BMPR1B: variants seen among roughly 807,000 people sequenced by gnomAD.
BMPR1B encodes bone morphogenetic protein receptor type 1B, also known as bone morphogenetic protein receptor type-1B.
A neutral mutation model predicts 59.1 loss-of-function variants in BMPR1B; 12 were observed. The observed-to-expected ratio is 0.20, with a 90% CI of 0.13 to 0.33. The LOEUF (loss-of-function observed/expected upper bound fraction) is 0.33, where lower values mean the gene tolerates loss of function less well. BMPR1B is among the 10% of genes least tolerant of loss of function. The pLI, the probability that BMPR1B is intolerant of heterozygous loss-of-function variation, is 1.00. For synonymous variants in BMPR1B, 237 were observed against 207.3 expected, an observed-to-expected ratio of 1.14 and a Z score of -1.23; for missense variants, 550 against 610.9, an observed-to-expected ratio of 0.90 and a Z score of 1.05.
chr4:94,805,377 A>G (rs1373603581), intron 1 of BMPR1B, among the ~76,000 whole-genome samples: 1 of 152,158 alleles, frequency 6.6e-6, no homozygotes, highest in African/African-American at 2.4e-5. Context: ...GTTAAATTCC[A>G]TTGTCTTTAT....
At chr4:94,903,010 G>A (rs1449455340) in intron 2 of BMPR1B, among the ~76,000 whole-genome samples, 1 of 152,020 alleles carries the variant, frequency 6.6e-6, no homozygotes, top group African/African-American at 2.4e-5. Context: ...ACATAGCAGG[G>A]TGCAGTAATA....
At chr4:95,009,238 A>AT (rs1283118655) in intron 3 of BMPR1B, among the ~76,000 whole-genome samples, 1 of 152,092 alleles carries the variant, frequency 6.6e-6, no homozygotes, top group Non-Finnish European at 1.5e-5. Context: ...ACATAAACAT[A>AT]TTTTTCCGCA....
intron 2 of BMPR1B, among the ~76,000 whole-genome samples, chr4:94,939,807 C>G (rs1729441905): frequency 6.6e-6 from 1 of 152,062 alleles, no homozygotes; most frequent in Admixed American, 6.5e-5. Context: ...GAAAAATGTC[C>G]TGTTTTTTAT....
rs1231262736 is a variant in BMPR1B, at chr4:95,049,454, T to G, written c.-18+53320T>G. On this transcript the variant is annotated intron_variant, in intron 3 of 12. Coordinates refer to ENST00000515059, the MANE Select transcript of BMPR1B (RefSeq NM_001203.3). ...TTTTTTTTTTTTTTTTTTTTTTTTT[T>G]TTTTTTTTTTTTTTTTGCAGTTCAT... Among the ~76,000 whole-genome samples, 206 of 59,570 alleles carry G rather than the reference T, an allele frequency of 3.5e-3. 13 individuals carry two copies. Among genetic ancestry groups the G allele is most frequent in the African/African-American group, 9.8e-3 (199 of 20,288 alleles). 39.1% of individuals were successfully genotyped at this position (59,570 alleles called of 152,430 possible).
intron 2 of BMPR1B, among the ~76,000 whole-genome samples, chr4:94,918,631 A>G (rs971344891): frequency 1.3e-5 from 2 of 152,038 alleles, no homozygotes; most frequent in African/African-American, 4.8e-5. Flanking sequence ...AGCTGTGATT[A>G]CATAACTGCA....
At chr4:95,123,969 C>T (rs1408313331) in intron 7 of BMPR1B, 63 bp downstream of exon 7, 17 of 1,141,656 alleles carry the variant, frequency 1.5e-5, no homozygotes, top group African/African-American at 7.7e-5. Flanking sequence ...TACTAATATT[C>T]TGCTTTTGCC....
intron 2 of BMPR1B, among the ~76,000 whole-genome samples, chr4:94,902,077 GTGTGTGT>G (rs1727836085): frequency 7.3e-6 from 1 of 136,790 alleles, no homozygotes; most frequent in Non-Finnish European, 1.6e-5. Context: ...GTGTGTGTGT[GTGTGTGT>G]GTGGGGTGTA....
At chr4:94,982,991 GA>G (rs71583676) in intron 2 of BMPR1B, among the ~76,000 whole-genome samples, 158 of 135,924 alleles carry the variant, frequency 1.2e-3, no homozygotes, top group Non-Finnish European at 2.0e-3. Context: ...TCTCAAAAAA[GA>G]AAAAAAAAAA....
intron 3 of BMPR1B, among the ~76,000 whole-genome samples, chr4:95,059,963 T>C (rs1228747912): frequency 1.3e-5 from 2 of 152,214 alleles, no homozygotes; most frequent in Admixed American, 6.5e-5. Flanking sequence ...AGAGGTTTTA[T>C]GCAGATGTTC....
At position 94,829,132 on chromosome 4, in the gene BMPR1B, C is replaced by T. The variant is rs1254109346; in HGVS notation, c.-182-46699C>T. On this transcript the variant is annotated intron_variant, in intron 1 of 12. Transcript: ENST00000515059. ...ATTAAATATCTGACCTCACATACCACACCCTGACTGTACCTTAAGTTTATG... is the reference window on the plus strand; with the variant it reads ...ATTAAATATCTGACCTCACATACCATACCCTGACTGTACCTTAAGTTTATG... Among the ~76,000 whole-genome samples, 7 of 152,042 alleles carry T rather than the reference C, an allele frequency of 4.6e-5. No homozygotes were observed. The East Asian group carries it at 1.4e-3, about 29-fold the overall frequency.
rs566289815 is a variant in BMPR1B at position 95,071,260 on chromosome 4, A to G, written c.-17-33148A>G. 6.6e-5 allele frequency among the ~76,000 whole-genome samples: 10 copies of G among 152,258 alleles called. 1 individual carries two copies. Among genetic ancestry groups the G allele is most frequent in the African/African-American group, 2.4e-4 (10 of 41,554 alleles). Reference sequence around the variant, plus strand: ...ATTTAGAAATTTATTAAACAATTTCATTTCTCAAGGGAGCAATTACTGTTG... The same window carrying G: ...ATTTAGAAATTTATTAAACAATTTCGTTTCTCAAGGGAGCAATTACTGTTG... On this transcript the variant is annotated intron_variant, in intron 3 of 12. Transcript: ENST00000515059.
At chr4:95,057,874 G>A (rs554934460) in intron 3 of BMPR1B, among the ~76,000 whole-genome samples, 1 of 152,222 alleles carries the variant, frequency 6.6e-6, no homozygotes, top group African/African-American at 2.4e-5. Flanking sequence ...TTTCTCACTT[G>A]AACTTCAGAA....
chr4:94,812,077 G>A (rs918705353), intron 1 of BMPR1B, among the ~76,000 whole-genome samples: 2 of 152,066 alleles, frequency 1.3e-5, no homozygotes, highest in Non-Finnish European at 2.9e-5. Context: ...AGGTTATGTG[G>A]TCTGCTTGCC....
intron 8 of BMPR1B, among the ~76,000 whole-genome samples, chr4:95,127,700 C>T (rs949286057): frequency 1.3e-5 from 2 of 152,054 alleles, no homozygotes; most frequent in South Asian, 2.1e-4. Context: ...TGTCTCATGG[C>T]GCACAGGGCT....
At chr4:94,870,382 A>AAG (rs1284666903) in intron 1 of BMPR1B, among the ~76,000 whole-genome samples, 25 of 100,708 alleles carry the variant, frequency 2.5e-4, no homozygotes, top group Non-Finnish European at 5.5e-4. Flanking sequence ...ACTTCCTGCC[A>AAG]AGAGAGAGAG....
intron 2 of BMPR1B, among the ~76,000 whole-genome samples, chr4:94,933,348 C>G (rs1729167770): frequency 6.6e-6 from 1 of 151,952 alleles, no homozygotes; most frequent in Non-Finnish European, 1.5e-5. Context: ...TACTATTATA[C>G]ATAATATTAA....
Position 94,889,891 on chromosome 4 carries a change from T to C in BMPR1B, c.-113+13991T>C, listed in dbSNP as rs2148988834. 1.3e-5 allele frequency among the ~76,000 whole-genome samples: 2 copies of C among 152,056 alleles called. 1 individual carries two copies. Among genetic ancestry groups the C allele is most frequent in the Non-Finnish European group, 2.9e-5 (2 of 67,952 alleles). On this transcript the variant is annotated intron_variant, in intron 2 of 12. Transcript: ENST00000515059. ...AAACACACCAAATTTGTCTGTAGCT[T>C]TTTTTGCCCTTATATACTCTTTAAT...
rs1014704858 is a variant in BMPR1B, at chr4:95,156,852, C to G, written c.*2179C>G. ...AACTAAGTGTGACTAATCATCTGAG[C>G]CTTGAAGAGAAACTTCAGTGCCTCT... On this transcript the variant is annotated 3_prime_UTR_variant, in exon 13 of 13. Coordinates refer to ENST00000515059, the MANE Select transcript of BMPR1B (RefSeq NM_001203.3). The G allele has an allele frequency of 4.6e-5, 7 of 152,056 alleles. No individual in the cohort carries two copies. The highest frequency in any genetic ancestry group is 6.6e-5 in the Admixed American group (1 of 15,258). 9.4% of individuals were successfully genotyped at this position (152,056 alleles called of 1,614,324 possible). A position where few individuals can be genotyped will look rare whatever the true frequency, so the allele number is the denominator to read the frequency against.
chr4:94,875,541 AT>A (rs1361917076), intron 1 of BMPR1B, among the ~76,000 whole-genome samples: 1 of 152,100 alleles, frequency 6.6e-6, no homozygotes, highest in Non-Finnish European at 1.5e-5. Context: ...AAAATTAGCC[AT>A]GTGTAGTGGC....
Sources: gnomAD v4.1 joint callset for allele counts (sites outside exome capture counted in the v4.1 genomes callset) on GRCh38, gnomAD v4.1.1 for gene constraint, MANE v1.5 for transcripts, NCBI Gene and HGNC (gene_info 2026-07-23, HGNC 2026-07-21) for gene names.